The following ERMP1 variants were observed in gnomAD, a reference collection of about 807,000 sequenced individuals.
The protein encoded by ERMP1 is Felix-ina.
In ERMP1, 86 loss-of-function variants were observed where a neutral mutation model predicts 92.0. The ratio of observed to expected loss-of-function variants is 0.93; its 90% CI spans 0.79 to 1.12. ERMP1 has a LOEUF of 1.12. ERMP1 is among the 50% of genes most tolerant of loss of function. The probability of loss-of-function intolerance (pLI) is 0.00; values close to 1 mark genes in which losing one functional copy is unlikely to be tolerated. For synonymous variants in ERMP1, 530 were observed against 412.8 expected (o/e 1.28, Z -3.44); for missense variants, 1,342 against 1,116.3 (o/e 1.20, Z -2.88).
intron 6 of ERMP1, among the ~76,000 whole-genome samples, chr9:5,841,986 G>A (rs1032093756): frequency 1.3e-5 from 2 of 152,118 alleles, no homozygotes; most frequent in Non-Finnish European, 2.9e-5. Flanking sequence ...CCTCCTGGTG[G>A]GTTCATGGTC....
In ERMP1 at chr9:5,810,012, A is replaced by C. The variant is rs1563758150; in HGVS notation, c.1547T>G (p.Met516Arg). Residue 516 changes from methionine to arginine, a missense_variant and splice_region_variant, in exon 8 of 15, where the codon ATG becomes AGG. Transcript: ENST00000339450. The stretch of plus-strand genomic sequence containing the variant: ...TCAACAAATATACCAAACACTTACC[A>C]TGTAATAAAATCTTTTCGCAAGAGT... ...IHTLAKRFYYMNASAQYLGEV... is the reference protein window; with the variant it reads ...IHTLAKRFYYRNASAQYLGEV... 1 of 1,580,114 alleles carries C rather than the reference A, an allele frequency of 6.3e-7. No individual in the cohort carries two copies. The highest frequency in any genetic ancestry group is 1.7e-5 in the Admixed American group (1 of 59,982).
At chr9:5,804,334 A>G (rs935697795) in intron 10 of ERMP1, among the ~76,000 whole-genome samples, 1 of 152,108 alleles carries the variant, frequency 6.6e-6, no homozygotes, top group African/African-American at 2.4e-5. Flanking sequence ...ACTCTGCTCA[A>G]GGGGGGTCTG....
At chr9:5,847,517 T>A (rs1830251801) in intron 6 of ERMP1, among the ~76,000 whole-genome samples, 1 of 151,074 alleles carries the variant, frequency 6.6e-6, no homozygotes, top group Admixed American at 6.6e-5. Flanking sequence ...GGATTACAGG[T>A]GTGAGCTACT....
At chr9:5,828,965 C>T (rs1829829538) in intron 2 of ERMP1, among the ~76,000 whole-genome samples, 1 of 151,988 alleles carries the variant, frequency 6.6e-6, no homozygotes, top group Non-Finnish European at 1.5e-5. Context: ...CACTGGTGGC[C>T]GGGCACAGTG....
chr9:5,787,260 G>C lies in ERMP1; in HGVS notation c.2599C>G (p.His867Asp). The change falls in exon 15 of 15, where the codon CAC (histidine) becomes GAC (aspartate). Residue 867 changes from histidine (H) to aspartate (D), a missense_variant. By Grantham distance (81) the His-to-Asp change is moderately conservative (BLOSUM62 -1). Coordinates refer to ENST00000339450, the MANE Select transcript of ERMP1 (RefSeq NM_024896.3). ...EGMVTVAIAAHYLSGEDKRSP... is the reference protein window; with the variant it reads ...EGMVTVAIAADYLSGEDKRSP... Reference sequence around the variant, plus strand: ...CTCTTGTCTTCCCCAGACAGATAGTGGGCAGCAATGGCCACGGTGACCATT... The same window carrying C: ...CTCTTGTCTTCCCCAGACAGATAGTCGGCAGCAATGGCCACGGTGACCATT... 1 of 1,613,968 alleles carries C rather than the reference G, an allele frequency of 6.2e-7. No homozygotes were observed. Among genetic ancestry groups the C allele is most frequent in the East Asian group, 2.2e-5 (1 of 44,878 alleles).
intron 5 of ERMP1, among the ~76,000 whole-genome samples, chr9:5,860,865 A>G (rs1000591890): frequency 2.0e-5 from 3 of 152,096 alleles, no homozygotes; most frequent in African/African-American, 7.2e-5. Context: ...ATGGATTACT[A>G]TGGTGGCTGG....
At chr9:5,825,987 G>A (rs967963540) in intron 2 of ERMP1, among the ~76,000 whole-genome samples, 2 of 152,174 alleles carry the variant, frequency 1.3e-5, no homozygotes, top group African/African-American at 4.8e-5. Context: ...AGGAATTACT[G>A]TTAGGTTTTT....
chr9:5,817,648 T>C (rs756933693), intron 4 of ERMP1, among the ~76,000 whole-genome samples: 76 of 152,350 alleles, frequency 5.0e-4, no homozygotes, highest in Non-Finnish European at 9.1e-4. Flanking sequence ...TTCTTGTGTG[T>C]TCATTTCTCA....
chr9:5,797,203 A>AT lies in ERMP1; in HGVS notation c.2386+613dup, dbSNP rs920487475. On this transcript the variant is annotated intron_variant, in intron 13 of 14. Coordinates refer to ENST00000339450, the MANE Select transcript of ERMP1 (RefSeq NM_024896.3). ...AGGCATGCACCAACATGCCCAGCTA[A>AT]TTTTTTTTTTTTTAATTTTGTAGAG... 4.5e-3 allele frequency among the ~76,000 whole-genome samples: 649 copies of AT among 145,214 alleles called. 9 individuals are homozygous for AT. Among genetic ancestry groups the AT allele is most frequent in the East Asian group, 3.8e-3 (19 of 5,012 alleles).
chr9:5,857,426 C>T (rs10975320), intron 6 of ERMP1, among the ~76,000 whole-genome samples: 11 of 152,200 alleles, frequency 7.2e-5, no homozygotes, highest in Non-Finnish European at 1.5e-4. Flanking sequence ...ATTTTTACAA[C>T]TCTGCGTGTG....
chr9:5,865,071 G>T (rs995456608), intron 5 of ERMP1, among the ~76,000 whole-genome samples: 19 of 151,952 alleles, frequency 1.3e-4, no homozygotes, highest in African/African-American at 4.6e-4. Context: ...AGTAAATTAT[G>T]GTACAATTGC....
Position 5,830,090 on chromosome 9 carries a change from T to C in ERMP1, c.640+637A>G, listed in dbSNP as rs73639526. Among the ~76,000 whole-genome samples, 1,479 of 152,308 alleles carry C rather than the reference T, an allele frequency of 9.7e-3. 30 individuals carry two copies. Among genetic ancestry groups the C allele is most frequent in the African/African-American group, 0.033 (1,370 of 41,548 alleles). On this transcript the variant is annotated intron_variant, in intron 2 of 14. Transcript: ENST00000339450. ...TCAGTGGAGCAAAATTCTCACTTTATAGGTCAACAGAATCTGCTAGAAGAG... is the reference window on the plus strand; with the variant it reads ...TCAGTGGAGCAAAATTCTCACTTTACAGGTCAACAGAATCTGCTAGAAGAG...
chr9:5,866,503 G>C (rs1830668308), intron 5 of ERMP1, among the ~76,000 whole-genome samples: 1 of 152,176 alleles, frequency 6.6e-6, no homozygotes, highest in Non-Finnish European at 1.5e-5. Context: ...AGAATTGGTA[G>C]CTCACTTGAT....
chr9:5,824,574 TG>T (rs1452433259), intron 3 of ERMP1, among the ~76,000 whole-genome samples: 1 of 152,092 alleles, frequency 6.6e-6, no homozygotes, highest in Non-Finnish European at 1.5e-5. Flanking sequence ...GGCTAATTTT[TG>T]TAATTTTAGT....
chr9:5,788,525 A>G lies in ERMP1; in HGVS notation c.2387-932T>C, dbSNP rs201528165. 1.2e-4 allele frequency among the ~76,000 whole-genome samples: 18 copies of G among 152,334 alleles called. No individual in the cohort carries two copies. In the East Asian group the frequency reaches 2.7e-3, roughly 23 times the overall value. Reference sequence around the variant, plus strand: ...AATCCAGTCAAAAAAGTTGAAAGAGATAAATATTATTCATCCACACCAACA... The same window carrying G: ...AATCCAGTCAAAAAAGTTGAAAGAGGTAAATATTATTCATCCACACCAACA... On this transcript the variant is annotated intron_variant, in intron 13 of 14. Coordinates refer to ENST00000339450, the MANE Select transcript of ERMP1 (RefSeq NM_024896.3).
At chr9:5,807,757 C>CA (rs371802181) in intron 8 of ERMP1, among the ~76,000 whole-genome samples, 27 of 148,628 alleles carry the variant, frequency 1.8e-4, no homozygotes, top group South Asian at 2.1e-4. Flanking sequence ...ACAACAACAA[C>CA]AAAAAAAAAA....
intron 8 of ERMP1, among the ~76,000 whole-genome samples, chr9:5,809,395 G>A (rs1829002909): frequency 6.6e-6 from 1 of 152,254 alleles, no homozygotes; most frequent in African/African-American, 2.4e-5. Flanking sequence ...AATATTCTCA[G>A]TATAAATCAT....
At chr9:5,808,411 A>G (rs948321436) in intron 8 of ERMP1, among the ~76,000 whole-genome samples, 1 of 152,234 alleles carries the variant, frequency 6.6e-6, no homozygotes, top group Non-Finnish European at 1.5e-5. Flanking sequence ...CCACTAAGAT[A>G]AAAATATGAG....
intron 6 of ERMP1, chr9:5,856,422 G>C (rs2129769649): frequency 1.2e-5 from 2 of 172,286 alleles, no homozygotes; most frequent in Admixed American, 1.3e-4. Flanking sequence ...GAGTTTGGAA[G>C]CCATTGCCTT....
Sources: allele counts gnomAD v4.1 joint callset (sites outside exome capture counted in the v4.1 genomes callset), GRCh38; gene constraint gnomAD v4.1.1; transcripts MANE v1.5; gene names NCBI Gene and HGNC (gene_info 2026-07-23, HGNC 2026-07-21).